Variants in ZCCHC7 observed in about 807,000 individuals in gnomAD.
ZCCHC7 encodes the protein zinc finger CCHC-type containing 7.
Under a neutral mutation model 52.0 loss-of-function variants are expected in ZCCHC7, and 35 were observed. That is an observed-to-expected ratio of 0.67 (90% CI 0.51 to 0.89). ZCCHC7 has a LOEUF of 0.89. ZCCHC7 is among the 40% of genes least tolerant of loss of function. The pLI, the probability that ZCCHC7 is intolerant of heterozygous loss-of-function variation, is 0.00. For synonymous variants in ZCCHC7, 217 were observed against 221.5 expected (o/e 0.98, Z 0.18); for missense variants, 574 against 649.1 (o/e 0.88, Z 1.26).
At chr9:37,177,996 T>C (rs1328642992) in intron 2 of ZCCHC7, among the ~76,000 whole-genome samples, 1 of 152,210 alleles carries the variant, frequency 6.6e-6, no homozygotes, top group Non-Finnish European at 1.5e-5. Flanking sequence ...CAATATTGTT[T>C]CATTAATTTT....
At chr9:37,329,270 C>G (rs1032110410) in intron 6 of ZCCHC7, among the ~76,000 whole-genome samples, 2 of 151,416 alleles carry the variant, frequency 1.3e-5, no homozygotes, top group African/African-American at 4.8e-5. Flanking sequence ...CACCTGTGTT[C>G]GTTTATATAC....
chr9:37,204,977 C>T (rs1158484589), intron 2 of ZCCHC7: 3 of 153,276 alleles, frequency 2.0e-5, no homozygotes, highest in African/African-American at 7.2e-5. Flanking sequence ...GAAATTTGAT[C>T]CCCAATATGG....
At chr9:37,327,919 C>A in intron 6 of ZCCHC7, 85 bp downstream of exon 6, 2 of 1,382,786 alleles carry the variant, frequency 1.4e-6, no homozygotes. Flanking sequence ...TATAGACAAG[C>A]ATCTTCTGCT....
chr9:37,325,787 G>C (rs747277199), intron 5 of ZCCHC7, among the ~76,000 whole-genome samples: 1 of 152,158 alleles, frequency 6.6e-6, no homozygotes, highest in Non-Finnish European at 1.5e-5. Context: ...AAATACTTAT[G>C]AGACAGTCAA....
At chr9:37,213,704 C>A (rs1179163659) in intron 2 of ZCCHC7, among the ~76,000 whole-genome samples, 1 of 152,056 alleles carries the variant, frequency 6.6e-6, no homozygotes, top group Non-Finnish European at 1.5e-5. Context: ...TGACTAGTAC[C>A]AATATGCCAA....
At chr9:37,192,191 T>A (rs1037111384) in intron 2 of ZCCHC7, among the ~76,000 whole-genome samples, 2 of 152,212 alleles carry the variant, frequency 1.3e-5, no homozygotes, top group Non-Finnish European at 2.9e-5. Context: ...CATATAGGAA[T>A]TTTTTCTCCA....
At chr9:37,239,208 A>T (rs1215251494) in intron 2 of ZCCHC7, among the ~76,000 whole-genome samples, 1 of 152,184 alleles carries the variant, frequency 6.6e-6, no homozygotes, top group Non-Finnish European at 1.5e-5. Context: ...TAAATTTGAA[A>T]ATAATTATTA....
chr9:37,184,436 G>A (rs1822540527), intron 2 of ZCCHC7, among the ~76,000 whole-genome samples: 1 of 150,644 alleles, frequency 6.6e-6, no homozygotes, highest in South Asian at 2.1e-4. Context: ...TGCCAGAGCT[G>A]GGAGAGCAAG....
intron 2 of ZCCHC7, among the ~76,000 whole-genome samples, chr9:37,157,738 G>T (rs1472333466): frequency 6.6e-6 from 1 of 152,102 alleles, no homozygotes; most frequent in Admixed American, 6.5e-5. Flanking sequence ...CCACAATGAG[G>T]TATCACCTCA....
rs35953348 is a variant in ZCCHC7, at chr9:37,252,081, G to T, written c.611-50107G>T. On this transcript the variant is annotated intron_variant, in intron 2 of 8. Transcript: ENST00000336755. ...TAATATATCTCTTATAGGCTTTATG[G>T]TTTGGTATAAACTATACCAAATTTT... Among the ~76,000 whole-genome samples the T allele has an allele frequency of 1.8e-3, 276 of 151,974 alleles. 1 individual carries two copies. Among genetic ancestry groups the T allele is most frequent in the Non-Finnish European group, 2.0e-3 (137 of 67,956 alleles).
At chr9:37,340,117 C>T (rs921558005) in intron 6 of ZCCHC7, among the ~76,000 whole-genome samples, 4 of 151,872 alleles carry the variant, frequency 2.6e-5, no homozygotes, top group African/African-American at 9.7e-5. Context: ...ACTACTCATG[C>T]AGAAAAAAGG....
intron 2 of ZCCHC7, among the ~76,000 whole-genome samples, chr9:37,133,664 C>G (rs1842884383): frequency 6.6e-6 from 1 of 152,222 alleles, no homozygotes; most frequent in Non-Finnish European, 1.5e-5. Flanking sequence ...TCTTGGCTCA[C>G]TGCAACCTCC....
intron 7 of ZCCHC7, among the ~76,000 whole-genome samples, chr9:37,351,567 G>A (rs1177611297): frequency 2.6e-5 from 4 of 152,198 alleles, no homozygotes; most frequent in East Asian, 1.9e-4. Context: ...TTGGCCTCCC[G>A]AAGTGTTGAG....
At chr9:37,310,085 T>A (rs1483573567) in intron 5 of ZCCHC7, among the ~76,000 whole-genome samples, 2 of 152,158 alleles carry the variant, frequency 1.3e-5, no homozygotes, top group African/African-American at 4.8e-5. Context: ...AATGAAAAGC[T>A]TTTTCCTAAA....
At chr9:37,280,059 C>G (rs1160942186) in intron 2 of ZCCHC7, among the ~76,000 whole-genome samples, 1 of 151,634 alleles carries the variant, frequency 6.6e-6, no homozygotes, top group Non-Finnish European at 1.5e-5. Flanking sequence ...GAGAATGGCG[C>G]GAACCCGGGA....
chr9:37,320,987 C>CTTTTTTTT (rs11303114), intron 5 of ZCCHC7, among the ~76,000 whole-genome samples: 176 of 116,172 alleles, frequency 1.5e-3, no homozygotes, highest in Middle Eastern at 4.4e-3. Flanking sequence ...TTTCTTTTTT[C>CTTTTTTTT]TTTTTTTTTT....
intron 5 of ZCCHC7, among the ~76,000 whole-genome samples, chr9:37,315,508 A>G (rs1172121033): frequency 3.3e-5 from 5 of 152,082 alleles, no homozygotes; most frequent in African/African-American, 1.2e-4. Flanking sequence ...AATAAATATT[A>G]TGAGCTAATC....
intron 2 of ZCCHC7, among the ~76,000 whole-genome samples, chr9:37,159,760 T>C: frequency 6.6e-6 from 1 of 152,210 alleles, no homozygotes; most frequent in East Asian, 1.9e-4. Flanking sequence ...CTCTGTATTC[T>C]AAAATCTCCC....
At chr9:37,219,012 C>T (rs747133920) in intron 2 of ZCCHC7, among the ~76,000 whole-genome samples, 7 of 148,948 alleles carry the variant, frequency 4.7e-5, no homozygotes, top group Non-Finnish European at 8.9e-5. Context: ...TGCAGTGAGC[C>T]AAGATTGCAC....
Sources: gnomAD v4.1 joint callset for allele counts (sites outside exome capture counted in the v4.1 genomes callset) on GRCh38, gnomAD v4.1.1 for gene constraint, MANE v1.5 for transcripts, NCBI Gene and HGNC (gene_info 2026-07-23, HGNC 2026-07-21) for gene names.